The following BTBD9 variants were observed in gnomAD, a reference collection of about 807,000 sequenced individuals.
BTBD9 encodes BTB/POZ domain-containing protein 9.
A neutral mutation model predicts 64.3 loss-of-function variants in BTBD9; 49 were observed. The ratio of observed to expected loss-of-function variants is 0.76; its 90% CI spans 0.61 to 0.97. BTBD9 has a LOEUF of 0.97. BTBD9 is among the 50% of genes least tolerant of loss of function. The pLI, the probability that BTBD9 is intolerant of heterozygous loss-of-function variation, is 0.00. For missense variants in BTBD9, 598 were observed against 762.1 expected (o/e 0.78, Z 2.53); for synonymous variants, 260 against 274.7 (o/e 0.95, Z 0.53).
chr6:38,462,055 A>G (rs1335937094), intron 6 of BTBD9, among the ~76,000 whole-genome samples: 3 of 152,100 alleles, frequency 2.0e-5, no homozygotes, highest in African/African-American at 7.2e-5. Flanking sequence ...AGAATTCTTC[A>G]TATGTTCTTT....
intron 2 of BTBD9, among the ~76,000 whole-genome samples, chr6:38,596,617 G>T (rs538059860): frequency 6.6e-6 from 1 of 151,862 alleles, no homozygotes; most frequent in Non-Finnish European, 1.5e-5. Flanking sequence ...TGGCTAACAC[G>T]GTGAAACCCC....
At chr6:38,255,593 C>T (rs1260981063) in intron 9 of BTBD9, among the ~76,000 whole-genome samples, 1 of 152,186 alleles carries the variant, frequency 6.6e-6, no homozygotes, top group Non-Finnish European at 1.5e-5. Context: ...CTGCTGCAAG[C>T]AGACAAGTCT....
At chr6:38,241,571 C>T (rs1763992966) in intron 9 of BTBD9, among the ~76,000 whole-genome samples, 1 of 152,228 alleles carries the variant, frequency 6.6e-6, no homozygotes, top group Non-Finnish European at 1.5e-5. Flanking sequence ...AAAGCACTCG[C>T]AAACTCCCTC....
intron 6 of BTBD9, among the ~76,000 whole-genome samples, chr6:38,574,152 A>T (rs191998526): frequency 7.2e-5 from 11 of 152,314 alleles, no homozygotes; most frequent in Admixed American, 5.9e-4. Flanking sequence ...ATGAGTCCAG[A>T]AAGGCAAAGC....
rs535530858 is a variant in BTBD9, at chr6:38,198,221, T to TGGATGGAGATGGAATTTGCTGGGCA, written c.1563-5625_1563-5624insTGCCCAGCAAATTCCATCTCCATCC. Among the ~76,000 whole-genome samples, 539 of 152,322 alleles carry TGGATGGAGATGGAATTTGCTGGGCA rather than the reference T, an allele frequency of 3.5e-3. 5 individuals are homozygous for TGGATGGAGATGGAATTTGCTGGGCA. Among genetic ancestry groups the TGGATGGAGATGGAATTTGCTGGGCA allele is most frequent in the Non-Finnish European group, 2.4e-3 (161 of 68,020 alleles). On this transcript the variant is annotated intron_variant, in intron 9 of 10. Coordinates refer to ENST00000481247, the MANE Select transcript of BTBD9 (RefSeq NM_001099272.2). Reference sequence around the variant, plus strand: ...TGTGTTCAGGTGGGCAGGAATTTGCTGGAGATGGAATTAGCTAAACTATAA... The same window carrying TGGATGGAGATGGAATTTGCTGGGCA: ...TGTGTTCAGGTGGGCAGGAATTTGCTGGATGGAGATGGAATTTGCTGGGCAGGAGATGGAATTAGCTAAACTATAA...
rs114411866 is a variant in BTBD9, at chr6:38,362,965, C to T, written c.1155-17872G>A. Among the ~76,000 whole-genome samples, 989 of 152,048 alleles carry T rather than the reference C, an allele frequency of 6.5e-3. 8 individuals are homozygous for T. The highest frequency in any genetic ancestry group is 0.023 in the African/African-American group (935 of 41,456). ...AGAGAGTGGCCTGGAAATGACAGAACCACATGACAGGAGAAAACGGGAAAA... is the reference window on the plus strand; with the variant it reads ...AGAGAGTGGCCTGGAAATGACAGAATCACATGACAGGAGAAAACGGGAAAA... On this transcript the variant is annotated intron_variant, in intron 6 of 10. Coordinates refer to ENST00000481247, the MANE Select transcript of BTBD9 (RefSeq NM_001099272.2).
At chr6:38,355,257 C>G (rs1048426427) in intron 6 of BTBD9, among the ~76,000 whole-genome samples, 1 of 152,162 alleles carries the variant, frequency 6.6e-6, no homozygotes, top group Non-Finnish European at 1.5e-5. Context: ...GGATTCAAAC[C>G]TAACAGTCTA....
At chr6:38,437,230 G>A (rs142551449) in intron 6 of BTBD9, among the ~76,000 whole-genome samples, 1 of 152,268 alleles carries the variant, frequency 6.6e-6, no homozygotes, top group Admixed American at 6.5e-5. Flanking sequence ...TAACGACAAA[G>A]CTCCCCTGGA....
At chr6:38,422,498 T>C (rs1218778799) in intron 6 of BTBD9, among the ~76,000 whole-genome samples, 2 of 152,188 alleles carry the variant, frequency 1.3e-5, no homozygotes, top group Non-Finnish European at 2.9e-5. Flanking sequence ...CTATAAATTT[T>C]ATTTCAGGAG....
chr6:38,272,308 C>T (rs924424836), intron 8 of BTBD9, among the ~76,000 whole-genome samples: 4 of 152,114 alleles, frequency 2.6e-5, no homozygotes, highest in Non-Finnish European at 5.9e-5. Flanking sequence ...CTAAAACACA[C>T]TAATTAAGTA....
intron 4 of BTBD9, among the ~76,000 whole-genome samples, chr6:38,588,763 A>C (rs1451581339): frequency 6.6e-6 from 1 of 152,240 alleles, no homozygotes; most frequent in African/African-American, 2.4e-5. Flanking sequence ...CACTACTCTT[A>C]CATGTATGTA....
intron 9 of BTBD9, among the ~76,000 whole-genome samples, chr6:38,227,050 A>C (rs1351185584): frequency 2.6e-5 from 4 of 152,206 alleles, no homozygotes. Flanking sequence ...GGGCAATGTG[A>C]GGGTTACACT....
intron 6 of BTBD9, among the ~76,000 whole-genome samples, chr6:38,474,465 C>T (rs1031433086): frequency 6.6e-6 from 1 of 151,766 alleles, no homozygotes; most frequent in African/African-American, 2.4e-5. Context: ...AGAGGTTGCA[C>T]GAAGCTGAGA....
At chr6:38,574,296 A>T (rs1234870804) in intron 6 of BTBD9, among the ~76,000 whole-genome samples, 1 of 152,172 alleles carries the variant, frequency 6.6e-6, no homozygotes, top group African/African-American at 2.4e-5. Flanking sequence ...GACAAGATAG[A>T]TGAGTGGCAA....
chr6:38,343,892 G>A (rs1487382115), intron 7 of BTBD9, among the ~76,000 whole-genome samples: 3 of 152,046 alleles, frequency 2.0e-5, no homozygotes, highest in African/African-American at 7.2e-5. Context: ...TTTAGGCTAC[G>A]ACCATTCAAA....
intron 6 of BTBD9, among the ~76,000 whole-genome samples, chr6:38,566,471 G>C (rs1050638312): frequency 8.5e-5 from 13 of 152,258 alleles, no homozygotes; most frequent in Middle Eastern, 6.8e-3. Context: ...AGTTTACAGA[G>C]AAAAATATAC....
chr6:38,194,178 G>A (rs1206180363), intron 9 of BTBD9, among the ~76,000 whole-genome samples: 1 of 152,110 alleles, frequency 6.6e-6, no homozygotes, highest in Non-Finnish European at 1.5e-5. Flanking sequence ...GCCCTGTGGG[G>A]TTTCCACAGG....
intron 1 of BTBD9, among the ~76,000 whole-genome samples, chr6:38,632,222 A>G (rs942995101): frequency 5.3e-5 from 8 of 152,258 alleles, no homozygotes; most frequent in Non-Finnish European, 1.0e-4. Context: ...CAGTTATTCC[A>G]TTTGCAGAAT....
chr6:38,490,716 G>C (rs1414338363), intron 6 of BTBD9, among the ~76,000 whole-genome samples: 1 of 152,210 alleles, frequency 6.6e-6, no homozygotes, highest in Non-Finnish European at 1.5e-5. Context: ...CAACCCCAGA[G>C]AGACCTGTCA....
Sources: allele counts gnomAD v4.1 joint callset (sites outside exome capture counted in the v4.1 genomes callset), GRCh38; gene constraint gnomAD v4.1.1; transcripts MANE v1.5; gene names NCBI Gene and HGNC (gene_info 2026-07-23, HGNC 2026-07-21).